SUMF1: variants seen among roughly 807,000 people sequenced by gnomAD.
The protein encoded by SUMF1 is formylglycine-generating enzyme.
Under a neutral mutation model 47.6 loss-of-function variants are expected in SUMF1, and 48 were observed. The ratio of observed to expected loss-of-function variants is 1.01; its 90% CI spans 0.80 to 1.28. The LOEUF is 1.28. SUMF1 is among the 50% of genes most tolerant of loss of function. The pLI is 0.00. For synonymous variants in SUMF1, 230 were observed against 192.1 expected (o/e 1.20, Z -1.63); for missense variants, 571 against 485.4 (o/e 1.18, Z -1.66).
chr3:4,300,442 T>C (rs892853862), intron 8 of SUMF1, among the ~76,000 whole-genome samples: 2 of 152,238 alleles, frequency 1.3e-5, no homozygotes, highest in Non-Finnish European at 2.9e-5. Flanking sequence ...ATCAGATGTG[T>C]ACTCAAAAAA....
At chr3:4,262,750 T>C (rs1445106395) in intron 8 of SUMF1, among the ~76,000 whole-genome samples, 2 of 152,060 alleles carry the variant, frequency 1.3e-5, no homozygotes, top group African/African-American at 4.8e-5. Flanking sequence ...CCTAAACCAA[T>C]CACCATAGCC....
chr3:4,215,929 T>C (rs1695913141), intron 8 of SUMF1, among the ~76,000 whole-genome samples: 1 of 152,130 alleles, frequency 6.6e-6, no homozygotes, highest in African/African-American at 2.4e-5. Context: ...TGCTCATGGA[T>C]AGGAAGAATC....
At chr3:4,129,756 A>G (rs1693741950) in intron 8 of SUMF1, among the ~76,000 whole-genome samples, 1 of 152,152 alleles carries the variant, frequency 6.6e-6, no homozygotes, top group South Asian at 2.1e-4. Context: ...AGGGGAAACA[A>G]AACGTCATTG....
intron 8 of SUMF1, among the ~76,000 whole-genome samples, chr3:4,261,044 C>T (rs1236283667): frequency 1.3e-5 from 2 of 152,166 alleles, no homozygotes; most frequent in East Asian, 1.9e-4. Context: ...TAAGTTGTTA[C>T]ACCAACAATA....
chr3:4,179,859 C>A (rs1367717390), intron 8 of SUMF1, among the ~76,000 whole-genome samples: 1 of 152,076 alleles, frequency 6.6e-6, no homozygotes, highest in Non-Finnish European at 1.5e-5. Flanking sequence ...AAAAAACAAA[C>A]AACCCCATCA....
At chr3:4,051,324 T>C (rs962591886) in intron 9 of SUMF1, among the ~76,000 whole-genome samples, 2 of 152,090 alleles carry the variant, frequency 1.3e-5, no homozygotes, top group African/African-American at 4.8e-5. Flanking sequence ...AGGATCACAG[T>C]GTTGTACATT....
chr3:4,286,851 A>G (rs1372255072), intron 8 of SUMF1, among the ~76,000 whole-genome samples: 2 of 152,162 alleles, frequency 1.3e-5, no homozygotes, highest in Non-Finnish European at 2.9e-5. Flanking sequence ...ATATTTACAC[A>G]GAACTTGCAG....
chr3:4,336,246 AAG>A (rs974965689), intron 8 of SUMF1, among the ~76,000 whole-genome samples: 1 of 152,020 alleles, frequency 6.6e-6, no homozygotes, highest in Non-Finnish European at 1.5e-5. Flanking sequence ...AGCAAGCAAA[AAG>A]GGGAAAAAAG....
chr3:4,376,046 C>CA (rs1700316091), intron 8 of SUMF1, among the ~76,000 whole-genome samples: 1 of 152,176 alleles, frequency 6.6e-6, no homozygotes, highest in Non-Finnish European at 1.5e-5. Flanking sequence ...TATATACACC[C>CA]ACCCCTGTGC....
chr3:4,137,904 ACAC>A (rs1693979691), intron 8 of SUMF1, among the ~76,000 whole-genome samples: 1 of 131,682 alleles, frequency 7.6e-6, no homozygotes, highest in Admixed American at 8.0e-5. Flanking sequence ...CATATAGTAA[ACAC>A]TAATAATACA....
chr3:4,386,977 A>G (rs1700695635), intron 7 of SUMF1, among the ~76,000 whole-genome samples: 1 of 151,986 alleles, frequency 6.6e-6, no homozygotes, highest in Non-Finnish European at 1.5e-5. Flanking sequence ...TTTAAAAAAT[A>G]CACTGATGAA....
intron 9 of SUMF1, among the ~76,000 whole-genome samples, chr3:4,044,221 G>C (rs1010465871): frequency 2.6e-5 from 4 of 152,148 alleles, no homozygotes; most frequent in Non-Finnish European, 2.9e-5. Context: ...ATTCAGTTCA[G>C]GATTTCTGAG....
At chr3:4,389,292 C>T (rs749486981) in intron 7 of SUMF1, among the ~76,000 whole-genome samples, 9 of 151,362 alleles carry the variant, frequency 5.9e-5, no homozygotes, top group Non-Finnish European at 1.3e-4. Flanking sequence ...TTCCTCTGGC[C>T]TTCATGGTCA....
chr3:4,303,387 CAAA>C, intron 8 of SUMF1: 1 of 1,555,778 alleles, frequency 6.4e-7, no homozygotes, highest in Middle Eastern at 1.7e-4. Flanking sequence ...GCGGAAGCGG[CAAA>C]GACGACACGG....
intron 8 of SUMF1, among the ~76,000 whole-genome samples, chr3:4,211,953 C>T (rs1270547101): frequency 6.6e-6 from 1 of 152,186 alleles, no homozygotes; most frequent in Non-Finnish European, 1.5e-5. Context: ...GATAAAACCC[C>T]CATCTCCCAG....
chr3:4,050,688 A>G (rs901930898), intron 9 of SUMF1, among the ~76,000 whole-genome samples: 2 of 146,402 alleles, frequency 1.4e-5, no homozygotes, highest in African/African-American at 5.1e-5. Context: ...GGCTGCAGTG[A>G]GCCGAGATCA....
intron 7 of SUMF1, among the ~76,000 whole-genome samples, chr3:4,405,162 T>A (rs1289248515): frequency 3.3e-5 from 5 of 152,144 alleles, no homozygotes; most frequent in Admixed American, 6.5e-5. Flanking sequence ...ATGCCCTAAG[T>A]CCTATCATGC....
At chr3:4,170,803 G>C (rs1356523333) in intron 8 of SUMF1, among the ~76,000 whole-genome samples, 1 of 152,128 alleles carries the variant, frequency 6.6e-6, no homozygotes, top group African/African-American at 2.4e-5. Context: ...AACGAACTTT[G>C]ATTCATTCCT....
chr3:4,462,561 G>T (rs556739954), intron 1 of SUMF1, among the ~76,000 whole-genome samples: 3 of 152,018 alleles, frequency 2.0e-5, no homozygotes, highest in Admixed American at 6.5e-5. Context: ...ACTTGCTACC[G>T]TAAGATTTTT....
Sources: gnomAD v4.1 joint callset for allele counts (sites outside exome capture counted in the v4.1 genomes callset) on GRCh38, gnomAD v4.1.1 for gene constraint, MANE v1.5 for transcripts, NCBI Gene and HGNC (gene_info 2026-07-23, HGNC 2026-07-21) for gene names.